Variants in ZNF804A observed in about 807,000 individuals in gnomAD.
The protein encoded by ZNF804A is zinc finger protein 804A.
Under a neutral mutation model 16.5 loss-of-function variants are expected in ZNF804A, and 2 were observed. That is an observed-to-expected ratio of 0.12 (90% CI 0.05 to 0.38). ZNF804A has a LOEUF of 0.38. ZNF804A is among the 10% of genes least tolerant of loss of function. The pLI, the probability that ZNF804A is intolerant of heterozygous loss-of-function variation, is 0.99. For synonymous variants in ZNF804A, 534 were observed against 489.6 expected (o/e 1.09, Z -1.20); for missense variants, 1,473 against 1,390.7 (o/e 1.06, Z -0.94).
chr2:184,771,856 C>A (rs1188531462), intron 1 of ZNF804A, among the ~76,000 whole-genome samples: 1 of 151,938 alleles, frequency 6.6e-6, no homozygotes, highest in Non-Finnish European at 1.5e-5. Context: ...AATGTAATCT[C>A]AGGAGTGACA....
chr2:184,644,476 G>A (rs1325021514), intron 1 of ZNF804A, among the ~76,000 whole-genome samples: 1 of 151,396 alleles, frequency 6.6e-6, no homozygotes, highest in Admixed American at 6.6e-5. Flanking sequence ...AGTCATCCTG[G>A]TGATATATAA....
intron 1 of ZNF804A, among the ~76,000 whole-genome samples, chr2:184,820,256 G>T (rs1695053145): frequency 6.6e-6 from 1 of 152,040 alleles, no homozygotes; most frequent in African/African-American, 2.4e-5. Flanking sequence ...TACAAGGTTG[G>T]TTCAACATAC....
intron 2 of ZNF804A, 137 bp from the exon 3 acceptor site, chr2:184,933,466 G>A: frequency 1.4e-6 from 1 of 705,792 alleles, no homozygotes; most frequent in African/African-American, 1.9e-5. Context: ...TGTTAGAAGT[G>A]GATTGTCATG....
At position 184,782,567 on chromosome 2, in the gene ZNF804A, G is replaced by A. The variant is rs971933773; in HGVS notation, c.112-83802G>A. Among the ~76,000 whole-genome samples, 3 of 151,120 alleles carry A rather than the reference G, an allele frequency of 2.0e-5. No homozygotes were observed. In the Admixed American group the frequency reaches 2.0e-4, roughly 10 times the overall value. On this transcript the variant is annotated intron_variant, in intron 1 of 3. Transcript: ENST00000302277. ...TTAGACTCCACGTTCTTCAGTTTTG[G>A]GACTTGAACTGGTTTCCCTTGCTCT...
Position 184,814,187 on chromosome 2 carries a change from A to T in ZNF804A, c.112-52182A>T, listed in dbSNP as rs116090330. ...AGTTCCTGATAGTTCCATGTTTGAGATAGTTTCATTATATATCAATACATT... is the reference window on the plus strand; with the variant it reads ...AGTTCCTGATAGTTCCATGTTTGAGTTAGTTTCATTATATATCAATACATT... On this transcript the variant is annotated intron_variant, in intron 1 of 3. Transcript: ENST00000302277. Among the ~76,000 whole-genome samples, 1,155 of 151,820 alleles carry T rather than the reference A, an allele frequency of 7.6e-3. 17 individuals carry two copies. The highest frequency in any genetic ancestry group is 0.026 in the African/African-American group (1,098 of 41,434).
At chr2:184,932,965 C>T (rs570912957) in intron 2 of ZNF804A, among the ~76,000 whole-genome samples, 2 of 152,172 alleles carry the variant, frequency 1.3e-5, no homozygotes, top group African/African-American at 2.4e-5. Flanking sequence ...ATTCTGGAAA[C>T]GTGCCTGCTG....
At chr2:184,933,877 A>T in intron 3 of ZNF804A, 144 bp downstream of exon 3, 1 of 763,696 alleles carries the variant, frequency 1.3e-6, no homozygotes. Flanking sequence ...TGTAGGCTGT[A>T]AACAGTAATT....
chr2:184,876,089 A>G (rs1340899393), intron 2 of ZNF804A, among the ~76,000 whole-genome samples: 1 of 152,164 alleles, frequency 6.6e-6, no homozygotes, highest in Non-Finnish European at 1.5e-5. Context: ...CTTGCTTTGC[A>G]GCATGCTATT....
chr2:184,738,614 C>T (rs1574188673), intron 1 of ZNF804A, among the ~76,000 whole-genome samples: 1 of 152,152 alleles, frequency 6.6e-6, no homozygotes, highest in East Asian at 1.9e-4. Context: ...GCTGCATTCA[C>T]TTTGTGCATC....
chr2:184,813,492 G>T (rs1244202781), intron 1 of ZNF804A, among the ~76,000 whole-genome samples: 1 of 152,072 alleles, frequency 6.6e-6, no homozygotes, highest in African/African-American at 2.4e-5. Flanking sequence ...AATATTGGTT[G>T]AGATTCTGGT....
intron 1 of ZNF804A, among the ~76,000 whole-genome samples, chr2:184,742,630 G>A (rs905436862): frequency 7.3e-5 from 11 of 150,900 alleles, no homozygotes; most frequent in Admixed American, 6.6e-5. Context: ...GCCTCAGAAC[G>A]TGCTTTGTAG....
At chr2:184,855,489 G>T (rs1395895158) in intron 1 of ZNF804A, among the ~76,000 whole-genome samples, 1 of 151,866 alleles carries the variant, frequency 6.6e-6, no homozygotes, top group Non-Finnish European at 1.5e-5. Context: ...TTTATAGCAT[G>T]TACTGTCCCC....
chr2:184,611,926 A>G (rs1412129876), intron 1 of ZNF804A, among the ~76,000 whole-genome samples: 1 of 152,220 alleles, frequency 6.6e-6, no homozygotes. Context: ...TATTGCTGAC[A>G]TAGAGTTGAT....
chr2:184,887,428 A>T (rs1203943736), intron 2 of ZNF804A, among the ~76,000 whole-genome samples: 1 of 152,204 alleles, frequency 6.6e-6, no homozygotes, highest in Non-Finnish European at 1.5e-5. Context: ...CCAATTTCAA[A>T]GTTGCTTCAA....
chr2:184,842,562 A>G (rs1228058225), intron 1 of ZNF804A, among the ~76,000 whole-genome samples: 1 of 151,966 alleles, frequency 6.6e-6, no homozygotes, highest in Non-Finnish European at 1.5e-5. Context: ...AAATAGTAGA[A>G]CTAGTATAAA....
intron 1 of ZNF804A, among the ~76,000 whole-genome samples, chr2:184,755,852 G>C (rs921230840): frequency 1.3e-5 from 2 of 151,928 alleles, no homozygotes; most frequent in African/African-American, 4.8e-5. Context: ...GTAACAACTA[G>C]ACATTTTTCT....
intron 1 of ZNF804A, among the ~76,000 whole-genome samples, chr2:184,714,593 G>A (rs996171560): frequency 3.9e-5 from 6 of 152,104 alleles, no homozygotes; most frequent in African/African-American, 1.4e-4. Context: ...AGCATTCAGA[G>A]AACAGTGAAT....
intron 1 of ZNF804A, among the ~76,000 whole-genome samples, chr2:184,606,695 G>T (rs550942533): frequency 6.6e-6 from 1 of 152,260 alleles, no homozygotes; most frequent in East Asian, 1.9e-4. Context: ...AGCCTTTCTG[G>T]AGAAAAAATT....
At chr2:184,819,390 T>C (rs1695035777) in intron 1 of ZNF804A, among the ~76,000 whole-genome samples, 1 of 151,984 alleles carries the variant, frequency 6.6e-6, no homozygotes, top group South Asian at 2.1e-4. Flanking sequence ...AGAGGCAGTA[T>C]ATCAGAATCT....
Sources: allele counts gnomAD v4.1 joint callset (sites outside exome capture counted in the v4.1 genomes callset), GRCh38; gene constraint gnomAD v4.1.1; transcripts MANE v1.5; gene names NCBI Gene and HGNC (gene_info 2026-07-23, HGNC 2026-07-21).